Variants in MACROD2 observed in about 807,000 individuals in gnomAD.
MACROD2 encodes the protein mono-ADP ribosylhydrolase 2.
MACROD2 carries 36 observed loss-of-function variants against 70.4 expected under a neutral mutation model. The observed-to-expected ratio is 0.51, with a 90% confidence interval of 0.39 to 0.68. The LOEUF is 0.68. Among genes scored for constraint, MACROD2 ranks in the 30% least tolerant of loss-of-function variants. The probability of loss-of-function intolerance (pLI) is 0.00; values close to 1 mark genes in which losing one functional copy is unlikely to be tolerated. For synonymous variants in MACROD2, 172 were observed against 178.8 expected (o/e 0.96, Z 0.30); for missense variants, 496 against 538.4 (o/e 0.92, Z 0.78).
intron 5 of MACROD2, among the ~76,000 whole-genome samples, chr20:15,036,664 A>G (rs909269404): frequency 3.9e-5 from 6 of 152,122 alleles, no homozygotes; most frequent in Non-Finnish European, 8.8e-5. Context: ...TAATGCAACA[A>G]TACACTAAAG....
At chr20:15,995,732 C>T (rs892223913) in intron 15 of MACROD2, among the ~76,000 whole-genome samples, 1 of 143,292 alleles carries the variant, frequency 7.0e-6, no homozygotes, top group Non-Finnish European at 1.5e-5. Flanking sequence ...TTATTTCACT[C>T]AGCATAATGC....
chr20:15,457,350 G>GTACCAAATTGACCA (rs2046742344), intron 7 of MACROD2, among the ~76,000 whole-genome samples: 1 of 152,064 alleles, frequency 6.6e-6, no homozygotes, highest in African/African-American at 2.4e-5. Flanking sequence ...CAAATTGACC[G>GTACCAAATTGACCA]TACCAAATTG....
chr20:15,081,160 A>G (rs1009453666), intron 5 of MACROD2, among the ~76,000 whole-genome samples: 1 of 152,116 alleles, frequency 6.6e-6, no homozygotes, highest in African/African-American at 2.4e-5. Flanking sequence ...CATGGTTAAA[A>G]CATTAAAAAA....
intron 4 of MACROD2, among the ~76,000 whole-genome samples, chr20:14,626,547 A>G (rs1203974263): frequency 6.6e-6 from 1 of 152,116 alleles, no homozygotes; most frequent in African/African-American, 2.4e-5. Context: ...GGCTATGTTT[A>G]CCTAGAATTC....
intron 10 of MACROD2, among the ~76,000 whole-genome samples, chr20:15,902,714 C>G (rs1370177245): frequency 2.0e-5 from 3 of 152,050 alleles, no homozygotes; most frequent in Non-Finnish European, 4.4e-5. Context: ...AGCTGAGGCC[C>G]CCTGCTGGCA....
chr20:15,411,579 A>G (rs2046079833), intron 6 of MACROD2, among the ~76,000 whole-genome samples: 1 of 152,246 alleles, frequency 6.6e-6, no homozygotes, highest in Non-Finnish European at 1.5e-5. Flanking sequence ...AACAAGTCTT[A>G]TAGAATCCCT....
chr20:15,749,672 GA>G (rs2051238531), intron 8 of MACROD2, among the ~76,000 whole-genome samples: 1 of 152,042 alleles, frequency 6.6e-6, no homozygotes, highest in African/African-American at 2.4e-5. Flanking sequence ...TTGGCCCAAA[GA>G]GTGAGGAAAA....
rs200787948 is a variant in MACROD2, at chr20:16,008,505, C to G, written c.1153+21347C>G. 9.8e-5 allele frequency among the ~76,000 whole-genome samples: 15 copies of G among 152,316 alleles called. No homozygotes were observed. The East Asian group carries it at 2.7e-3, about 27-fold the overall frequency. On this transcript the variant is annotated intron_variant, in intron 15 of 17. Coordinates refer to ENST00000684519, the MANE Select transcript of MACROD2 (RefSeq NM_001351661.2). ...AGAAGTATCCTGGCAGTGAGGCTAA[C>G]AGCCAGCCCAATTCTGAAGCCAGAC...
At chr20:15,577,777 G>A (rs1044114540) in intron 8 of MACROD2, among the ~76,000 whole-genome samples, 17 of 152,230 alleles carry the variant, frequency 1.1e-4, no homozygotes, top group Middle Eastern at 3.4e-3. Context: ...AAGAGTACAT[G>A]TGCTTCCCTC....
chr20:14,602,018 T>C (rs1982531143), intron 4 of MACROD2, among the ~76,000 whole-genome samples: 1 of 152,222 alleles, frequency 6.6e-6, no homozygotes, highest in Non-Finnish European at 1.5e-5. Context: ...CTTGAGAACA[T>C]GGATCATGTC....
At chr20:15,126,577 A>G (rs920265284) in intron 5 of MACROD2, among the ~76,000 whole-genome samples, 2 of 152,138 alleles carry the variant, frequency 1.3e-5, no homozygotes, top group African/African-American at 4.8e-5. Flanking sequence ...AAGAATTCAA[A>G]TAGAGTAACA....
intron 5 of MACROD2, among the ~76,000 whole-genome samples, chr20:14,882,418 C>T (rs2073620513): frequency 6.6e-6 from 1 of 152,098 alleles, no homozygotes; most frequent in Non-Finnish European, 1.5e-5. Context: ...AGGTACTTCC[C>T]TGAAGGGAAG....
At chr20:15,882,762 C>T (rs924662284) in intron 9 of MACROD2, among the ~76,000 whole-genome samples, 3 of 152,042 alleles carry the variant, frequency 2.0e-5, no homozygotes, top group Non-Finnish European at 4.4e-5. Flanking sequence ...CACTGTATGA[C>T]TAAATCAGTG....
chr20:15,474,423 A>T (rs1262149115), intron 7 of MACROD2, among the ~76,000 whole-genome samples: 1 of 152,168 alleles, frequency 6.6e-6, no homozygotes, highest in East Asian at 1.9e-4. Flanking sequence ...GTGTGAGCAA[A>T]AGATAATGGA....
At chr20:14,124,394 C>G (rs1472654859) in intron 3 of MACROD2, among the ~76,000 whole-genome samples, 1 of 152,160 alleles carries the variant, frequency 6.6e-6, no homozygotes. Flanking sequence ...GTTCCTCTTT[C>G]ACCTCCTATG....
intron 3 of MACROD2, among the ~76,000 whole-genome samples, chr20:14,129,763 A>AC (rs2054695181): frequency 1.3e-5 from 2 of 152,190 alleles, no homozygotes; most frequent in Admixed American, 6.5e-5. Context: ...TCAAGCCACG[A>AC]CCTTCTACCA....
intron 3 of MACROD2, among the ~76,000 whole-genome samples, chr20:14,487,593 C>T (rs2084750100): frequency 6.6e-6 from 1 of 152,136 alleles, no homozygotes; most frequent in South Asian, 2.1e-4. Context: ...CTCTCTCATT[C>T]CCTTATCTTC....
At chr20:14,949,888 C>T (rs867019136) in intron 5 of MACROD2, among the ~76,000 whole-genome samples, 8 of 152,228 alleles carry the variant, frequency 5.3e-5, no homozygotes, top group East Asian at 1.9e-4. Context: ...TCCACTTCAT[C>T]TTTGTTTAAC....
chr20:15,206,717 C>G (rs902709007), intron 5 of MACROD2, among the ~76,000 whole-genome samples: 2 of 72,458 alleles, frequency 2.8e-5, no homozygotes, highest in Non-Finnish European at 5.3e-5. Context: ...TTCATATTAT[C>G]TATGTTTTTT....
Sources: gnomAD v4.1 joint callset for allele counts (sites outside exome capture counted in the v4.1 genomes callset) on GRCh38, gnomAD v4.1.1 for gene constraint, MANE v1.5 for transcripts, NCBI Gene and HGNC (gene_info 2026-07-23, HGNC 2026-07-21) for gene names.